The following RRP15 variants were observed in gnomAD, a reference collection of about 807,000 sequenced individuals.
The protein encoded by RRP15 is ribosomal RNA processing 15 homolog.
RRP15 carries 18 observed loss-of-function variants against 27.1 expected under a neutral mutation model. The observed-to-expected ratio is 0.66, with a 90% CI of 0.46 to 0.98. RRP15 has a LOEUF of 0.98. Ranked by LOEUF, RRP15 falls within the 50% of genes least tolerant of loss-of-function variation. RRP15 has a pLI of 0.00. For missense variants in RRP15, 359 were observed against 337.8 expected, an observed-to-expected ratio of 1.06 and a Z score of -0.49; for synonymous variants, 107 against 109.4, an observed-to-expected ratio of 0.98 and a Z score of 0.14.
chr1:218,290,456 G>A (rs1177623571), intron 1 of RRP15, among the ~76,000 whole-genome samples: 1 of 152,006 alleles, frequency 6.6e-6, no homozygotes, highest in South Asian at 2.1e-4. Flanking sequence ...TTTTTTGTTT[G>A]TTTGTTTGTT....
intron 4 of RRP15, among the ~76,000 whole-genome samples, 190 bp from the exon 5 acceptor site, chr1:218,330,755 CTTT>C (rs1198528942): frequency 2.6e-5 from 4 of 151,560 alleles, no homozygotes; most frequent in African/African-American, 9.7e-5. Context: ...ATGTTTAGTT[CTTT>C]ATTATACATT....
At chr1:218,318,171 A>G (rs1656119766) in intron 4 of RRP15, among the ~76,000 whole-genome samples, 1 of 151,998 alleles carries the variant, frequency 6.6e-6, no homozygotes, top group Non-Finnish European at 1.5e-5. Context: ...CTCTCCATCT[A>G]GTTTTTGTTT....
intron 4 of RRP15, among the ~76,000 whole-genome samples, chr1:218,325,954 C>T (rs983489377): frequency 1.3e-5 from 2 of 151,882 alleles, no homozygotes; most frequent in Non-Finnish European, 2.9e-5. Context: ...TGTTTTGTTT[C>T]TTCCACCATA....
At chr1:218,329,712 C>G (rs1237101049) in intron 4 of RRP15, among the ~76,000 whole-genome samples, 1 of 151,926 alleles carries the variant, frequency 6.6e-6, no homozygotes, top group Non-Finnish European at 1.5e-5. Flanking sequence ...CATTTATATC[C>G]CATTCAGTCT....
chr1:218,327,956 C>A (rs1383432144), intron 4 of RRP15, among the ~76,000 whole-genome samples: 2 of 152,142 alleles, frequency 1.3e-5, no homozygotes, highest in Non-Finnish European at 2.9e-5. Context: ...TAACATGCAC[C>A]GGAATCACTG....
chr1:218,327,717 C>T (rs1394124374), intron 4 of RRP15, among the ~76,000 whole-genome samples: 2 of 151,626 alleles, frequency 1.3e-5, no homozygotes, highest in African/African-American at 4.8e-5. Flanking sequence ...CTTTTTTTTC[C>T]AAATTGTTGC....
intron 4 of RRP15, among the ~76,000 whole-genome samples, chr1:218,320,076 A>G (rs1360451013): frequency 8.9e-6 from 1 of 112,190 alleles, no homozygotes; most frequent in Non-Finnish European, 1.8e-5. Context: ...TATTATTATT[A>G]TACTTTAAGT....
Position 218,307,419 on chromosome 1 carries a change from T to A in RRP15, c.504-12T>A, listed in dbSNP as rs1480326982. The stretch of plus-strand genomic sequence containing the variant: ...ATTTAATACATCATTCTGGTCATTT[T>A]ATATTCTACAGGGGTGTGGTGCAAT... On this transcript the variant is annotated splice_polypyrimidine_tract_variant and intron_variant, in intron 3 of 4. Coordinates refer to ENST00000366932, the MANE Select transcript of RRP15 (RefSeq NM_016052.4). 2 of 1,605,176 alleles carry A rather than the reference T, an allele frequency of 1.2e-6. No homozygotes were observed. The highest frequency in any genetic ancestry group is 2.2e-5 in the East Asian group (1 of 44,740).
intron 4 of RRP15, among the ~76,000 whole-genome samples, chr1:218,313,297 G>A (rs1193566747): frequency 3.3e-5 from 5 of 152,164 alleles, no homozygotes; most frequent in African/African-American, 9.7e-5. Flanking sequence ...AAGATTGTGT[G>A]GGGTAAATTG....
intron 4 of RRP15, among the ~76,000 whole-genome samples, chr1:218,314,823 T>C (rs1016355368): frequency 1.3e-5 from 2 of 151,766 alleles, no homozygotes; most frequent in Non-Finnish European, 2.9e-5. Context: ...AAACCCCGTC[T>C]CTACTAAAAA....
chr1:218,328,364 A>G (rs1656307081), intron 4 of RRP15, among the ~76,000 whole-genome samples: 1 of 152,146 alleles, frequency 6.6e-6, no homozygotes, highest in African/African-American at 2.4e-5. Flanking sequence ...TCTGAAATAC[A>G]CGTTTAAAGT....
At chr1:218,314,713 C>T (rs190200150) in intron 4 of RRP15, among the ~76,000 whole-genome samples, 14 of 151,656 alleles carry the variant, frequency 9.2e-5, no homozygotes, top group South Asian at 2.1e-4. Flanking sequence ...GATTTTTTGG[C>T]GGGACATGGT....
intron 4 of RRP15, among the ~76,000 whole-genome samples, chr1:218,309,703 A>C (rs1286028690): frequency 4.0e-5 from 6 of 151,576 alleles, no homozygotes; most frequent in Non-Finnish European, 2.9e-5. Context: ...AAAAAAAAAA[A>C]AAAAACATAT....
chr1:218,315,002 A>C (rs898842750), intron 4 of RRP15, among the ~76,000 whole-genome samples: 3 of 142,240 alleles, frequency 2.1e-5, no homozygotes, highest in Non-Finnish European at 4.4e-5. Context: ...AAAAAAAAAA[A>C]AAAAAAAGAA....
intron 4 of RRP15, among the ~76,000 whole-genome samples, chr1:218,322,189 G>T (rs1440805324): frequency 6.6e-6 from 1 of 152,132 alleles, no homozygotes; most frequent in Non-Finnish European, 1.5e-5. Context: ...TTTGGGTATA[G>T]ACTCAGCTCT....
chr1:218,326,230 CA>C (rs1656270081), intron 4 of RRP15, among the ~76,000 whole-genome samples: 1 of 152,140 alleles, frequency 6.6e-6, no homozygotes, highest in South Asian at 2.1e-4. Context: ...CGGTTGAACC[CA>C]AGAGGTGGAG....
chr1:218,329,583 T>C (rs1476818490), intron 4 of RRP15, among the ~76,000 whole-genome samples: 2 of 152,192 alleles, frequency 1.3e-5, no homozygotes, highest in East Asian at 3.8e-4. Context: ...ATTGGAACTG[T>C]TTTATGTTGG....
rs1402949809 is a variant in RRP15, at chr1:218,332,767, G to A, written c.*1676G>A. ...TTAGTGTCTTTCAGTATAAATAAAT[G>A]TGAACAAATATACCTCAGTAGTAAT... On this transcript the variant is annotated 3_prime_UTR_variant, in exon 5 of 5. Transcript: ENST00000366932. 2.0e-5 allele frequency: 3 copies of A among 151,108 alleles called. No individual in the cohort carries two copies. Among genetic ancestry groups the A allele is most frequent in the Non-Finnish European group, 4.4e-5 (3 of 67,870 alleles). The allele number at this position is 151,108 out of a possible 1,614,324, so 9.4% of individuals were successfully genotyped here.
In RRP15 at chr1:218,304,473, A is replaced by G. The variant is rs1172154967; in HGVS notation, c.406-555A>G. Among the ~76,000 whole-genome samples, 4 of 152,190 alleles carry G rather than the reference A, an allele frequency of 2.6e-5. No homozygotes were observed. In the East Asian group the frequency reaches 5.8e-4, roughly 22 times the overall value. On this transcript the variant is annotated intron_variant, in intron 2 of 4. Coordinates refer to ENST00000366932, the MANE Select transcript of RRP15 (RefSeq NM_016052.4). ...CTGTAGCTTACAACTGATAAACCAT[A>G]TATGGCAAGACTATTGGTCAGATAT...
Sources: gnomAD v4.1 joint callset for allele counts (sites outside exome capture counted in the v4.1 genomes callset) on GRCh38, gnomAD v4.1.1 for gene constraint, MANE v1.5 for transcripts, NCBI Gene and HGNC (gene_info 2026-07-23, HGNC 2026-07-21) for gene names.